Variants in SEMA5B observed in about 807,000 individuals in gnomAD.
The protein encoded by SEMA5B is semaphorin-5B.
Under a neutral mutation model 135.0 loss-of-function variants are expected in SEMA5B, and 66 were observed. That is an observed-to-expected ratio of 0.49 (90% CI 0.40 to 0.60). The LOEUF (loss-of-function observed/expected upper bound fraction) is 0.60. SEMA5B is among the 20% of genes least tolerant of loss of function. The pLI, the probability that SEMA5B is intolerant of heterozygous loss-of-function variation, is 0.00. For synonymous variants in SEMA5B, 690 were observed against 639.5 expected, an observed-to-expected ratio of 1.08 and a Z score of -1.19; for missense variants, 1,501 against 1,566.3, an observed-to-expected ratio of 0.96 and a Z score of 0.70.
rs1191509378 is a variant in SEMA5B, at chr3:123,012,569, C to T, written c.-39+14895G>A. Among the ~76,000 whole-genome samples, 3 of 152,236 alleles carry T rather than the reference C, an allele frequency of 2.0e-5. No individual in the cohort carries two copies. The East Asian group carries it at 5.8e-4, about 29-fold the overall frequency. On this transcript the variant is annotated intron_variant, in intron 1 of 22. Coordinates refer to ENST00000357599, the MANE Select transcript of SEMA5B (RefSeq NM_001031702.4). ...TTCCTGAAGTAGAAACCGCTGCAGA[C>T]AGTTAGCCCAGTGTGACAATCTCTG...
Position 122,990,613 on chromosome 3 carries a change from G to GCA in SEMA5B, c.-38-29314_-38-29313dup, listed in dbSNP as rs149231438. Reference sequence around the variant, plus strand: ...GCTTCACAATGTATGACATACATGTGCACACACACACACACACAACCACAC... The same window carrying GCA: ...GCTTCACAATGTATGACATACATGTGCACACACACACACACACACAACCACAC... On this transcript the variant is annotated intron_variant, in intron 1 of 22. Coordinates refer to ENST00000357599, the MANE Select transcript of SEMA5B (RefSeq NM_001031702.4). Among the ~76,000 whole-genome samples the GCA allele has an allele frequency of 9.1e-3, 1,379 of 150,894 alleles. 26 individuals carry two copies. The highest frequency in any genetic ancestry group is 0.031 in the African/African-American group (1,267 of 41,152).
At position 122,912,256 on chromosome 3, in the gene SEMA5B, T is replaced by C. The variant is rs747202694; in HGVS notation, c.2812A>G (p.Thr938Ala). The change falls in exon 19 of 23, where the codon ACC (threonine) becomes GCC (alanine). Residue 938 changes from threonine (T) to alanine (A), a missense_variant. Transcript: ENST00000357599. ...TCACCTGGGGAGGGTGCGGGGCTGGTGCAGGAACGGGTGCGTTGATAGTGA... is the reference window on the plus strand; with the variant it reads ...TCACCTGGGGAGGGTGCGGGGCTGGCGCAGGAACGGGTGCGTTGATAGTGA... The part of the protein sequence containing the change: ...GGHYQRTRSC[T>A]SPAPSPGEDI... The C allele has an allele frequency of 1.9e-5, 30 of 1,612,020 alleles. No homozygotes were observed. Among genetic ancestry groups the C allele is most frequent in the Admixed American group, 6.7e-5 (4 of 59,804 alleles).
chr3:122,943,415 G>A (rs201658309), intron 4 of SEMA5B, 21 bp downstream of exon 4: 19 of 1,540,816 alleles, frequency 1.2e-5, no homozygotes, highest in Middle Eastern at 1.7e-4. Context: ...TTCCCACCCC[G>A]ACCCTTCTGC....
rs1940567983 is a variant in SEMA5B, at chr3:122,961,287, A to G, written c.-24T>C. ...ATCCAAGAGACACAGGCCAGGCACC[A>G]GCTGGAACCACTCACTGAAGGGGGA... On this transcript the variant is annotated 5_prime_UTR_variant, in exon 2 of 23. Transcript: ENST00000357599. The G allele has an allele frequency of 6.8e-6, 11 of 1,613,606 alleles. No homozygotes were observed. Among genetic ancestry groups the G allele is most frequent in the African/African-American group, 1.3e-5 (1 of 74,920 alleles).
At chr3:122,933,167 T>A (rs1939070228) in intron 5 of SEMA5B, among the ~76,000 whole-genome samples, 1 of 152,052 alleles carries the variant, frequency 6.6e-6, no homozygotes, top group Non-Finnish European at 1.5e-5. Context: ...GGGGCTTACC[T>A]TCTTTCCTCT....
chr3:122,969,059 C>T (rs1560384521), intron 1 of SEMA5B, among the ~76,000 whole-genome samples: 1 of 152,282 alleles, frequency 6.6e-6, no homozygotes, highest in East Asian at 1.9e-4. Flanking sequence ...TAAGCTTTCT[C>T]CTGTTCTTTT....
At chr3:123,021,299 G>C (rs1197248197) in intron 1 of SEMA5B, among the ~76,000 whole-genome samples, 3 of 152,220 alleles carry the variant, frequency 2.0e-5, no homozygotes, top group Non-Finnish European at 4.4e-5. Flanking sequence ...AAAGCAGTCT[G>C]CTTTGAGTGG....
At chr3:122,919,712 T>C (rs1938255906) in intron 12 of SEMA5B, among the ~76,000 whole-genome samples, 1 of 152,186 alleles carries the variant, frequency 6.6e-6, no homozygotes, top group South Asian at 2.1e-4. Flanking sequence ...ATCTAGCCAT[T>C]TTTCTAATCT....
intron 21 of SEMA5B, 77 bp from the exon 22 acceptor site, chr3:122,911,122 G>T: frequency 7.7e-7 from 1 of 1,305,488 alleles, no homozygotes; most frequent in Non-Finnish European, 1.1e-6. Flanking sequence ...CCTGGGAGCA[G>T]AAACAGCAAC....
intron 1 of SEMA5B, among the ~76,000 whole-genome samples, chr3:122,974,739 C>T (rs942356553): frequency 7.9e-5 from 12 of 152,286 alleles, no homozygotes; most frequent in African/African-American, 2.2e-4. Context: ...TTCTTGGAGA[C>T]AGAAAGATGG....
intron 12 of SEMA5B, 118 bp from the exon 13 acceptor site, chr3:122,916,008 A>G (rs1384270445): frequency 1.3e-6 from 1 of 741,652 alleles, no homozygotes; most frequent in Non-Finnish European, 2.3e-6. Context: ...GTCCTCCATG[A>G]TAATAATGAA....
At chr3:122,961,464 CTTTTT>C (rs111407084) in intron 1 of SEMA5B, among the ~76,000 whole-genome samples, 163 bp from the exon 2 acceptor site, 3 of 145,110 alleles carry the variant, frequency 2.1e-5, no homozygotes, top group Non-Finnish European at 4.6e-5. Flanking sequence ...TTGAAACAAA[CTTTTT>C]TTTTTTTTTA....
Position 122,926,671 on chromosome 3 carries a change from T to C in SEMA5B, c.857A>G (p.Asn286Ser), listed in dbSNP as rs751371513. Reference sequence around the variant, plus strand: ...CCCAATATCATAGGCTGCCACGAAGTTTGGCTCTGGGTGGGCAGAAGAGGA... The same window carrying C: ...CCCAATATCATAGGCTGCCACGAAGCTTGGCTCTGGGTGGGCAGAAGAGGA... Reference protein sequence around the residue: ...QYNSKWLNEPNFVAAYDIGLF... With the variant: ...QYNSKWLNEPSFVAAYDIGLF... The change falls in exon 9 of 23, where the codon AAC becomes AGC. Residue 286 changes from asparagine to serine, a missense_variant. Asn to Ser is a conservative substitution (Grantham distance 46). Around this residue, in one of 2 missense-constraint regions of SEMA5B, gnomAD observed 574 missense variants for 684.7 expected, o/e 0.84. Transcript: ENST00000357599. The C allele has an allele frequency of 7.5e-6, 12 of 1,609,824 alleles. No individual in the cohort carries two copies. The African/African-American group carries it at 1.5e-4, about 20-fold the overall frequency.
At chr3:122,995,268 G>A (rs1353423252) in intron 1 of SEMA5B, among the ~76,000 whole-genome samples, 1 of 152,154 alleles carries the variant, frequency 6.6e-6, no homozygotes, top group Non-Finnish European at 1.5e-5. Context: ...GGCAGAGGGT[G>A]GCTGGGTCAG....
chr3:122,912,530 C>T (rs1268804341), intron 18 of SEMA5B, among the ~76,000 whole-genome samples, 188 bp from the exon 19 acceptor site: 1 of 151,902 alleles, frequency 6.6e-6, no homozygotes, highest in Non-Finnish European at 1.5e-5. Context: ...GAGGGAAACG[C>T]AGGAAGCAGC....
At chr3:123,026,203 G>A (rs1942794933) in intron 1 of SEMA5B, among the ~76,000 whole-genome samples, 1 of 152,218 alleles carries the variant, frequency 6.6e-6, no homozygotes, top group Non-Finnish European at 1.5e-5. Context: ...ATCGTGGTGA[G>A]GTCTAGACAC....
intron 1 of SEMA5B, among the ~76,000 whole-genome samples, chr3:123,011,671 C>T (rs1298206268): frequency 6.6e-6 from 1 of 152,188 alleles, no homozygotes; most frequent in Non-Finnish European, 1.5e-5. Context: ...GAGCCCAGGA[C>T]ACACGCTCCT....
chr3:122,975,904 C>T, intron 1 of SEMA5B: 1 of 1,466,418 alleles, frequency 6.8e-7, no homozygotes, highest in South Asian at 1.3e-5. Flanking sequence ...CTGCCTCAGA[C>T]TCCCTCTCCT....
intron 1 of SEMA5B, among the ~76,000 whole-genome samples, chr3:122,966,304 T>C (rs1940814746): frequency 6.6e-6 from 1 of 152,144 alleles, no homozygotes; most frequent in Admixed American, 6.5e-5. Context: ...AATGTTTTCA[T>C]TTGAAGTTGA....
Sources: allele counts gnomAD v4.1 joint callset (sites outside exome capture counted in the v4.1 genomes callset), GRCh38; gene constraint gnomAD v4.1.1; regional missense constraint gnomAD v4.1.1; transcripts MANE v1.5; gene names NCBI Gene and HGNC (gene_info 2026-07-23, HGNC 2026-07-21).